Variants in CSMD3 observed in about 807,000 individuals in gnomAD.
CSMD3 encodes the protein CUB and sushi domain-containing protein 3.
CSMD3 carries 177 observed loss-of-function variants against 435.2 expected under a neutral mutation model. The observed-to-expected ratio is 0.41, with a 90% CI of 0.36 to 0.46. CSMD3 has a LOEUF of 0.46. Ranked by LOEUF, CSMD3 falls within the 20% of genes least tolerant of loss-of-function variation. The pLI is 0.34. For missense variants in CSMD3, 4,265 were observed against 4,504.6 expected (o/e 0.95, Z 1.52); for synonymous variants, 1,656 against 1,520.5 (o/e 1.09, Z -2.07).
chr8:113,376,706 G>A (rs370985480), intron 1 of CSMD3: 1 of 1,613,464 alleles, frequency 6.2e-7, no homozygotes, highest in Non-Finnish European at 8.5e-7. Context: ...CGAAAGGTTC[G>A]GCGCAAGGAG....
intron 4 of CSMD3, among the ~76,000 whole-genome samples, chr8:113,138,014 T>C (rs2091458024): frequency 6.6e-6 from 1 of 151,638 alleles, no homozygotes; most frequent in African/African-American, 2.4e-5. Flanking sequence ...TTTCTGAAGA[T>C]ATATTGCAAT....
At chr8:113,292,573 A>T (rs1352291289) in intron 2 of CSMD3, among the ~76,000 whole-genome samples, 1 of 151,922 alleles carries the variant, frequency 6.6e-6, no homozygotes, top group Non-Finnish European at 1.5e-5. Flanking sequence ...GGAACAAAAA[A>T]TAATAGACAA....
chr8:112,643,367 A>G (rs10505169), intron 20 of CSMD3: 55,466 of 166,264 alleles, frequency 0.33, 9,584 homozygotes, highest in African/African-American at 0.43. Flanking sequence ...AGGTTAGACT[A>G]TATTACCTTG....
At chr8:113,359,279 G>C (rs563120583) in intron 1 of CSMD3, among the ~76,000 whole-genome samples, 1 of 152,254 alleles carries the variant, frequency 6.6e-6, no homozygotes, top group African/African-American at 2.4e-5. Context: ...CTCAGAAGTA[G>C]TCATTACATC....
At chr8:112,679,353 C>G (rs886542901) in intron 16 of CSMD3, among the ~76,000 whole-genome samples, 1 of 152,096 alleles carries the variant, frequency 6.6e-6, no homozygotes, top group Non-Finnish European at 1.5e-5. Context: ...GCTTCTGGCC[C>G]ACTCCAGTTC....
rs1191786360 is a variant in CSMD3, at chr8:112,909,255, G to A, written c.1633+12372C>T. 4.6e-5 allele frequency among the ~76,000 whole-genome samples: 7 copies of A among 151,500 alleles called. No individual in the cohort carries two copies. The East Asian group carries it at 9.8e-4, about 21-fold the overall frequency. ...TAACTCCAAATTGGTTCAGAGCATC[G>A]TTTTTTCAGATGAGAAACACAAGAA... On this transcript the variant is annotated intron_variant, in intron 10 of 70. Transcript: ENST00000297405.
At chr8:112,572,918 C>A (rs1829651180) in intron 24 of CSMD3, among the ~76,000 whole-genome samples, 1 of 694 alleles carries the variant, frequency 1.4e-3, no homozygotes, top group South Asian at 0.083. Context: ...TTGATGAAAC[C>A]CACCCTACCC....
intron 4 of CSMD3, among the ~76,000 whole-genome samples, chr8:113,114,070 A>T (rs779123960): frequency 7.2e-5 from 11 of 152,156 alleles, no homozygotes; most frequent in African/African-American, 4.8e-5. Flanking sequence ...TTGGTAGAGA[A>T]ACAGGAGGCA....
At chr8:112,900,562 T>G (rs1363748969) in intron 10 of CSMD3, among the ~76,000 whole-genome samples, 2 of 151,278 alleles carry the variant, frequency 1.3e-5, no homozygotes, top group Non-Finnish European at 3.0e-5. Context: ...CTATCTTTAG[T>G]GCTGGGAGTA....
chr8:112,266,837 C>T (rs190167839), intron 59 of CSMD3, among the ~76,000 whole-genome samples: 8 of 152,184 alleles, frequency 5.3e-5, no homozygotes, highest in Admixed American at 1.3e-4. Context: ...ATTTGGGCAG[C>T]GAATTGGCTA....
intron 31 of CSMD3, among the ~76,000 whole-genome samples, chr8:112,490,517 T>C (rs1820583331): frequency 6.6e-6 from 1 of 152,296 alleles, no homozygotes; most frequent in East Asian, 1.9e-4. Context: ...AGTGAAAGCA[T>C]ACTTTAGTCT....
chr8:112,853,079 T>C (rs2129755658), intron 11 of CSMD3, among the ~76,000 whole-genome samples: 1 of 152,328 alleles, frequency 6.6e-6, no homozygotes, highest in East Asian at 1.9e-4. Flanking sequence ...TCCACGGATA[T>C]TTGTTTCCTG....
intron 2 of CSMD3, among the ~76,000 whole-genome samples, chr8:113,284,535 C>G (rs984977483): frequency 6.6e-6 from 1 of 152,128 alleles, no homozygotes; most frequent in Non-Finnish European, 1.5e-5. Context: ...ATATCTCATG[C>G]ACACTTTTTT....
At chr8:112,876,388 T>A (rs995304660) in intron 10 of CSMD3, among the ~76,000 whole-genome samples, 1 of 152,138 alleles carries the variant, frequency 6.6e-6, no homozygotes, top group Admixed American at 6.6e-5. Context: ...AAAAAGAACA[T>A]TTCAGGCCAA....
chr8:112,881,934 C>T (rs1369052136), intron 10 of CSMD3, among the ~76,000 whole-genome samples: 1 of 151,606 alleles, frequency 6.6e-6, no homozygotes, highest in African/African-American at 2.4e-5. Context: ...TGATTAATTC[C>T]AGGAACAAAC....
chr8:112,643,014 T>C (rs551112691), intron 20 of CSMD3, among the ~76,000 whole-genome samples: 1 of 152,128 alleles, frequency 6.6e-6, no homozygotes, highest in African/African-American at 2.4e-5. Context: ...GAAAATATTA[T>C]CTTATGATGA....
Position 112,929,283 on chromosome 8 carries a change from C to T in CSMD3, c.1509-7532G>A, listed in dbSNP as rs978145260. Among the ~76,000 whole-genome samples the T allele has an allele frequency of 4.0e-5, 6 of 148,576 alleles. No individual in the cohort carries two copies. In the South Asian group the frequency reaches 8.5e-4, roughly 21 times the overall value. On this transcript the variant is annotated intron_variant, in intron 9 of 70. Coordinates refer to ENST00000297405, the MANE Select transcript of CSMD3 (RefSeq NM_198123.2). The stretch of plus-strand genomic sequence containing the variant: ...GGGAGATATACCTAATGCTAGATGA[C>T]GAGTTAGTGGGTGCAGCACACCAGC...
At chr8:113,067,563 T>C (rs1166102552) in intron 5 of CSMD3, among the ~76,000 whole-genome samples, 1 of 152,106 alleles carries the variant, frequency 6.6e-6, no homozygotes, top group Admixed American at 6.5e-5. Context: ...AAAACTGCAA[T>C]AACTTTTGTA....
intron 32 of CSMD3, among the ~76,000 whole-genome samples, chr8:112,456,721 T>C (rs1450317584): frequency 1.3e-5 from 2 of 151,994 alleles, no homozygotes; most frequent in African/African-American, 4.8e-5. Context: ...AATAAATAAC[T>C]TACATGAGAT....
Sources: allele counts gnomAD v4.1 joint callset (sites outside exome capture counted in the v4.1 genomes callset), GRCh38; gene constraint gnomAD v4.1.1; transcripts MANE v1.5; gene names NCBI Gene and HGNC (gene_info 2026-07-23, HGNC 2026-07-21).